The following PRRC2B variants were observed in gnomAD, a reference collection of about 807,000 sequenced individuals.
PRRC2B encodes proline rich coiled-coil 2B.
PRRC2B carries 68 observed loss-of-function variants against 242.3 expected under a neutral mutation model. The observed-to-expected ratio is 0.28, with a 90% CI of 0.23 to 0.34. The LOEUF (loss-of-function observed/expected upper bound fraction) is 0.34. Ranked by LOEUF, PRRC2B falls within the 10% of genes least tolerant of loss-of-function variation. The pLI is 1.00. For missense variants in PRRC2B, 2,835 were observed against 2,954.8 expected (o/e 0.96, Z 0.94); for synonymous variants, 1,228 against 1,173.6 (o/e 1.05, Z -0.95).
chr9:131,399,494 G>A (rs979612486), intron 1 of PRRC2B, among the ~76,000 whole-genome samples: 9 of 150,970 alleles, frequency 6.0e-5, no homozygotes, highest in Non-Finnish European at 1.2e-4. Context: ...CAGGAGAATG[G>A]CATGAACCCG....
intron 1 of PRRC2B, among the ~76,000 whole-genome samples, chr9:131,428,671 A>G (rs1838038868): frequency 6.6e-6 from 1 of 152,172 alleles, no homozygotes; most frequent in Non-Finnish European, 1.5e-5. Context: ...TGTTGGGATT[A>G]TAGGTGTGAA....
chr9:131,474,270 C>T (rs996561697), intron 15 of PRRC2B, among the ~76,000 whole-genome samples, 184 bp from the exon 16 acceptor site: 3 of 152,188 alleles, frequency 2.0e-5, no homozygotes, highest in African/African-American at 7.2e-5. Flanking sequence ...AAAGATAGAA[C>T]AAATGTTGAT....
At chr9:131,432,313 C>T (rs1441794622) in intron 2 of PRRC2B, among the ~76,000 whole-genome samples, 1 of 152,126 alleles carries the variant, frequency 6.6e-6, no homozygotes, top group African/African-American at 2.4e-5. Flanking sequence ...GCTGGAGGTT[C>T]CTGGGCCTGT....
chr9:131,451,743 G>A (rs954381821), intron 9 of PRRC2B, among the ~76,000 whole-genome samples: 3 of 152,106 alleles, frequency 2.0e-5, no homozygotes, highest in African/African-American at 7.2e-5. Flanking sequence ...TGCCTTCTGT[G>A]TCTAGTTTGC....
At chr9:131,396,328 T>TTC (rs989200531) in intron 1 of PRRC2B, among the ~76,000 whole-genome samples, 17 of 121,106 alleles carry the variant, frequency 1.4e-4, no homozygotes, top group Admixed American at 3.6e-4. Context: ...TTCTTTTCTT[T>TTC]TTTTTTTTTT....
In PRRC2B at chr9:131,376,788, C is replaced by T. The variant is rs571314410; in HGVS notation, c.-56+3057C>T. On this transcript the variant is annotated intron_variant, in intron 1 of 1. Coordinates refer to the PRRC2B transcript ENST00000682525. The stretch of plus-strand genomic sequence containing the variant: ...TCAGGAGCCTGACACGGGAAGATCA[C>T]TTGAGGCCACGAGTTTGAGACCAGT... Among the ~76,000 whole-genome samples, 6 of 152,246 alleles carry T rather than the reference C, an allele frequency of 3.9e-5. No homozygotes were observed. In the South Asian group the frequency reaches 1.2e-3, roughly 32 times the overall value.
At chr9:131,434,701 A>T (rs1838285938) in intron 3 of PRRC2B, among the ~76,000 whole-genome samples, 1 of 152,216 alleles carries the variant, frequency 6.6e-6, no homozygotes, top group Non-Finnish European at 1.5e-5. Flanking sequence ...TTCCATTTAC[A>T]GATAAGCCAC....
intron 3 of PRRC2B, among the ~76,000 whole-genome samples, chr9:131,433,830 A>G (rs996335931): frequency 3.3e-5 from 5 of 152,258 alleles, no homozygotes; most frequent in African/African-American, 1.2e-4. Context: ...TTTACTTCAG[A>G]CAGGATGTAG....
chr9:131,413,271 A>G (rs886199618), intron 1 of PRRC2B, among the ~76,000 whole-genome samples: 4 of 152,162 alleles, frequency 2.6e-5, no homozygotes, highest in Admixed American at 6.6e-5. Context: ...CTCTTTTAAA[A>G]AGTTCTAAGT....
Position 131,475,589 on chromosome 9 carries a change from G to A in PRRC2B, c.3460G>A (p.Glu1154Lys), listed in dbSNP as rs200008435. 352 of 1,612,832 alleles carry A rather than the reference G, an allele frequency of 2.2e-4. No homozygotes were observed. The African/African-American group carries it at 3.8e-3, about 18-fold the overall frequency. ...LPKRRRQRGS[E>K]NGNEGSLLER... ...CAAGCGCCGCCGGCAGAGGGGCTCC[G>A]AGAACGGGAATGAAGGCTCGCTCCT... The change falls in exon 16 of 32, where the codon GAG (glutamate) becomes AAG (lysine). Residue 1154 changes from glutamate (E) to lysine (K), a missense_variant. Glu to Lys is a moderately conservative substitution (Grantham distance 56). Around this residue, in one of 7 missense-constraint regions of PRRC2B, gnomAD observed 1,536 missense variants for 1,483.1 expected, o/e 1.04. Transcript: ENST00000683519.
intron 12 of PRRC2B, among the ~76,000 whole-genome samples, chr9:131,466,081 G>T (rs367731434): frequency 6.6e-6 from 1 of 152,232 alleles, no homozygotes; most frequent in East Asian, 1.9e-4. Flanking sequence ...AGTGTCTCTT[G>T]TAGCAGTTTT....
chr9:131,495,858 A>G lies in PRRC2B; in HGVS notation c.6674A>G (p.Glu2225Gly). Residue 2225 changes from glutamate to glycine, a missense_variant, in exon 32 of 32, where the codon GAG (glutamate) becomes GGG (glycine). Physicochemically the swap from Glu to Gly is moderately conservative, Grantham distance 98 (BLOSUM62 -2). Coordinates refer to ENST00000683519, the MANE Select transcript of PRRC2B (RefSeq NM_013318.4). ...ATCAAGCCTCGGGCTGTCAAAGTGG[A>G]GGAGAGTAAGGCCTGACAGTGCCTG... ...GAIKPRAVKV[E>G]ESKA 6.2e-7 allele frequency: 1 copy of G among 1,608,760 alleles called. No homozygotes were observed. The highest frequency in any genetic ancestry group is 8.5e-7 in the Non-Finnish European group (1 of 1,175,878).
At chr9:131,454,053 G>T (rs1943000722) in intron 9 of PRRC2B, among the ~76,000 whole-genome samples, 1 of 152,096 alleles carries the variant, frequency 6.6e-6, no homozygotes, top group Admixed American at 6.5e-5. Flanking sequence ...TAATCCTGTG[G>T]CAACAATAAA....
In PRRC2B at chr9:131,470,958, C is replaced by G. The variant is rs1450773431; in HGVS notation, c.2082C>G (p.Phe694Leu). ...RITPTRTPVD[F>L]YPSALHPSGL... Reference sequence around the variant, plus strand: ...CGCCCACTCGGACCCCGGTGGACTTCTACCCCTCCGCCCTGCATCCCTCAG... The same window carrying G: ...CGCCCACTCGGACCCCGGTGGACTTGTACCCCTCCGCCCTGCATCCCTCAG... The change falls in exon 14 of 32, where the codon TTC becomes TTG. Residue 694 changes from phenylalanine to leucine, a missense_variant. By Grantham distance (22) the Phe-to-Leu change is conservative (BLOSUM62 0). Transcript: ENST00000683519. 11 of 1,612,356 alleles carry G rather than the reference C, an allele frequency of 6.8e-6. No individual in the cohort carries two copies. Among genetic ancestry groups the G allele is most frequent in the Non-Finnish European group, 9.3e-6 (11 of 1,179,052 alleles).
chr9:131,421,294 G>A (rs1223468347), intron 1 of PRRC2B, among the ~76,000 whole-genome samples: 1 of 152,210 alleles, frequency 6.6e-6, no homozygotes, highest in Admixed American at 6.5e-5. Context: ...ATTTGAAGTA[G>A]GTGAGGTCGC....
intron 10 of PRRC2B, among the ~76,000 whole-genome samples, chr9:131,458,873 G>A (rs896359645): frequency 6.6e-6 from 1 of 152,170 alleles, no homozygotes; most frequent in African/African-American, 2.4e-5. Context: ...GCCATCCTGG[G>A]CCACATGTGG....
chr9:131,448,549 A>AAAAAAAAAAAAACAC, intron 9 of PRRC2B, among the ~76,000 whole-genome samples: 1 of 85,874 alleles, frequency 1.2e-5, no homozygotes, highest in Non-Finnish European at 2.5e-5. Flanking sequence ...GTCTCAAAAA[A>AAAAAAAAAAAAACAC]AAAAAAAAAA....
chr9:131,482,518 G>A lies in PRRC2B; in HGVS notation c.5131G>A (p.Ala1711Thr). 4 of 1,609,220 alleles carry A rather than the reference G, an allele frequency of 2.5e-6. No individual in the cohort carries two copies. Among genetic ancestry groups the A allele is most frequent in the Non-Finnish European group, 3.4e-6 (4 of 1,176,894 alleles). Residue 1711 changes from alanine to threonine, a missense_variant, in exon 21 of 32, where the codon GCC (alanine) becomes ACC (threonine). By Grantham distance (58) the Ala-to-Thr change is moderately conservative. This residue lies in a region of PRRC2B where 51 missense variants were observed against 45.1 expected (regional missense o/e 1.13). Transcript: ENST00000683519. This position sits in a 1 kb window ranked among gnomAD's most constrained non-coding sequence, Gnocchi z 5.2. ...CGGGCCCGGCCTGGCGGAACCCAAG[G>A]CCGACAGCCACAAGGAGCAGGCTCC... ...MSGPGLAEPKADSHKEQAPKP... is the reference protein window; with the variant it reads ...MSGPGLAEPKTDSHKEQAPKP...
At chr9:131,460,957 G>A (rs985175397) in intron 11 of PRRC2B, among the ~76,000 whole-genome samples, 1 of 152,064 alleles carries the variant, frequency 6.6e-6, no homozygotes, top group South Asian at 2.1e-4. Flanking sequence ...AATGTATGTA[G>A]GTATATGTGT....
Sources: gnomAD v4.1 joint callset for allele counts (sites outside exome capture counted in the v4.1 genomes callset) on GRCh38, gnomAD v4.1.1 for gene constraint, gnomAD v4.1.1 regional missense constraint, Gnocchi (gnomAD v3.1) non-coding constraint, MANE v1.5 for transcripts, NCBI Gene and HGNC (gene_info 2026-07-23, HGNC 2026-07-21) for gene names.